Variants in EPS15L1 observed in about 807,000 individuals in gnomAD.
EPS15L1 encodes epidermal growth factor receptor substrate 15-like 1.
A neutral mutation model predicts 117.1 loss-of-function variants in EPS15L1; 43 were observed. The observed-to-expected ratio is 0.37, with a 90% CI of 0.29 to 0.47. EPS15L1 has a LOEUF of 0.47. EPS15L1 is among the 20% of genes least tolerant of loss of function. The pLI, the probability that EPS15L1 is intolerant of heterozygous loss-of-function variation, is 0.99. For synonymous variants in EPS15L1, 459 were observed against 470.5 expected (o/e 0.98, Z 0.32); for missense variants, 981 against 1,164.0 (o/e 0.84, Z 2.29).
chr19:16,386,110 C>A, intron 20 of EPS15L1, 61 bp downstream of exon 20: 2 of 1,293,096 alleles, frequency 1.5e-6, no homozygotes, highest in African/African-American at 1.5e-5. Context: ...GTGTTAACTG[C>A]GGGGGAGCTC....
chr19:16,464,842 G>A (rs1184344889), intron 1 of EPS15L1, among the ~76,000 whole-genome samples: 2 of 152,134 alleles, frequency 1.3e-5, no homozygotes, highest in Admixed American at 6.5e-5. Flanking sequence ...CCAGCACTTT[G>A]GGAGGCCAAG....
At chr19:16,379,229 T>A (rs1326727146) in intron 21 of EPS15L1, among the ~76,000 whole-genome samples, 1 of 151,946 alleles carries the variant, frequency 6.6e-6, no homozygotes, top group Non-Finnish European at 1.5e-5. Flanking sequence ...GGCGTGAACC[T>A]GGGAGGCGGA....
chr19:16,355,368 A>C lies in EPS15L1; in HGVS notation c.*337T>G. ...GCGGGTGGGGATGTCTGCAGCTATGAGTAGGGAGGAGGCGGGGAAGCCCTG... is the reference window on the plus strand; with the variant it reads ...GCGGGTGGGGATGTCTGCAGCTATGCGTAGGGAGGAGGCGGGGAAGCCCTG... On this transcript the variant is annotated 3_prime_UTR_variant, in exon 24 of 24. Coordinates refer to ENST00000455140, the MANE Select transcript of EPS15L1 (RefSeq NM_001258374.3). The C allele has an allele frequency of 3.7e-6, 1 of 268,882 alleles. No homozygotes were observed. The highest frequency in any genetic ancestry group is 7.0e-6 in the Non-Finnish European group (1 of 142,150). The allele number at this position is 268,882 out of a possible 1,614,324, so 16.7% of individuals were successfully genotyped here. A position where few individuals can be genotyped will look rare whatever the true frequency, so the allele number is the denominator to read the frequency against.
chr19:16,433,645 G>C (rs2092950766), intron 7 of EPS15L1, among the ~76,000 whole-genome samples: 1 of 151,628 alleles, frequency 6.6e-6, no homozygotes, highest in South Asian at 2.1e-4. Context: ...GCAACACAGT[G>C]AGACCCCATC....
chr19:16,407,253 C>G (rs1170663300), intron 13 of EPS15L1, among the ~76,000 whole-genome samples: 1 of 152,186 alleles, frequency 6.6e-6, no homozygotes, highest in African/African-American at 2.4e-5. Context: ...TCCTCAGAAG[C>G]TCCTGCCCTA....
intron 7 of EPS15L1, among the ~76,000 whole-genome samples, chr19:16,431,107 G>T (rs1379965420): frequency 6.6e-6 from 1 of 151,580 alleles, no homozygotes; most frequent in East Asian, 2.0e-4. Flanking sequence ...GGCGTGATGG[G>T]GTGCACCCGT....
intron 19 of EPS15L1, among the ~76,000 whole-genome samples, chr19:16,391,088 A>C (rs1248189472): frequency 6.6e-6 from 1 of 152,208 alleles, no homozygotes; most frequent in Non-Finnish European, 1.5e-5. Flanking sequence ...AAAAACTGTA[A>C]ATTGAACCAT....
At chr19:16,391,045 G>T (rs1163149016) in intron 19 of EPS15L1, among the ~76,000 whole-genome samples, 3 of 152,036 alleles carry the variant, frequency 2.0e-5, no homozygotes, top group African/African-American at 7.2e-5. Context: ...ACTTATGATG[G>T]GACTGCATCT....
chr19:16,414,821 C>T (rs2092742722), intron 12 of EPS15L1, among the ~76,000 whole-genome samples: 1 of 151,820 alleles, frequency 6.6e-6, no homozygotes, highest in Non-Finnish European at 1.5e-5. Flanking sequence ...GCAATCCTCC[C>T]ACCTTAGCCT....
At chr19:16,451,247 G>A (rs928870161) in intron 1 of EPS15L1, among the ~76,000 whole-genome samples, 8 of 152,040 alleles carry the variant, frequency 5.3e-5, no homozygotes, top group African/African-American at 1.7e-4. Context: ...CACCGCGCCC[G>A]CCCAGACTCT....
chr19:16,449,623 C>T (rs1226784845), intron 1 of EPS15L1, among the ~76,000 whole-genome samples: 1 of 152,138 alleles, frequency 6.6e-6, no homozygotes, highest in Non-Finnish European at 1.5e-5. Context: ...ATGAAACTAC[C>T]GCATGAACCA....
At chr19:16,412,940 A>C (rs371290939) in intron 13 of EPS15L1, 1 of 661,820 alleles carries the variant, frequency 1.5e-6, no homozygotes, top group East Asian at 3.1e-5. Context: ...GAGGAGAGCT[A>C]TCTCTTCTCC....
At chr19:16,409,827 A>G (rs899263347) in intron 13 of EPS15L1, among the ~76,000 whole-genome samples, 6 of 151,374 alleles carry the variant, frequency 4.0e-5, no homozygotes, top group South Asian at 2.1e-4. Context: ...AATCCCAGCT[A>G]CTTGGGAGGC....
At chr19:16,436,848 TAGAACAATTCC>T in intron 6 of EPS15L1, 78 bp downstream of exon 6, 1 of 1,105,772 alleles carries the variant, frequency 9.0e-7, no homozygotes, top group Non-Finnish European at 1.3e-6. Context: ...AACATCAAAC[TAGAACAATTCC>T]AGAACAATTC....
intron 7 of EPS15L1, among the ~76,000 whole-genome samples, chr19:16,431,799 C>T (rs1210838559): frequency 6.6e-6 from 1 of 152,164 alleles, no homozygotes; most frequent in African/African-American, 2.4e-5. Context: ...CAAACCACCA[C>T]GTGGACCCCA....
At chr19:16,459,038 C>T (rs868017020) in intron 1 of EPS15L1, among the ~76,000 whole-genome samples, 42 of 152,302 alleles carry the variant, frequency 2.8e-4, no homozygotes, top group Middle Eastern at 6.8e-3. Flanking sequence ...CAGCGTGGCC[C>T]GGTACAGAAA....
chr19:16,425,310 G>T lies in EPS15L1; in HGVS notation c.565C>A (p.His189Asn). Residue 189 changes from histidine (H) to asparagine (N), a missense_variant, in exon 9 of 24, where the codon CAC becomes AAC. By Grantham distance (68) the His-to-Asn change is moderately conservative (BLOSUM62 1). Around this residue, in one of 5 missense-constraint regions of EPS15L1, gnomAD observed 819 missense variants for 949.0 expected, o/e 0.86. Coordinates refer to ENST00000455140, the MANE Select transcript of EPS15L1 (RefSeq NM_001258374.3). ...LDRDEFAVAM[H>N]LVYRALEKEP... ...TTCTCCAGGGCTCGGTACACCAAGT[G>T]CATGGCCTGCAGGTGCAAACAACAA... 6.3e-7 allele frequency: 1 copy of T among 1,588,426 alleles called. No individual in the cohort carries two copies. The highest frequency in any genetic ancestry group is 8.6e-7 in the Non-Finnish European group (1 of 1,166,210).
chr19:16,407,668 T>TCA (rs2092669406), intron 13 of EPS15L1, among the ~76,000 whole-genome samples: 1 of 152,180 alleles, frequency 6.6e-6, no homozygotes, highest in Non-Finnish European at 1.5e-5. Context: ...CTTCTTGATA[T>TCA]ATAAAATCAA....
intron 1 of EPS15L1, among the ~76,000 whole-genome samples, chr19:16,452,975 T>C (rs1196287608): frequency 6.6e-6 from 1 of 151,990 alleles, no homozygotes; most frequent in Non-Finnish European, 1.5e-5. Context: ...TTTTTTGTAT[T>C]TTTCTTAGTA....
Sources: gnomAD v4.1 joint callset for allele counts (sites outside exome capture counted in the v4.1 genomes callset) on GRCh38, gnomAD v4.1.1 for gene constraint, gnomAD v4.1.1 regional missense constraint, MANE v1.5 for transcripts, NCBI Gene and HGNC (gene_info 2026-07-23, HGNC 2026-07-21) for gene names.